Variants in NAA25 observed in about 807,000 individuals in gnomAD.
NAA25 encodes the protein N-alpha-acetyltransferase 25, NatB auxiliary subunit.
A neutral mutation model predicts 132.5 loss-of-function variants in NAA25; 30 were observed. That is an observed-to-expected ratio of 0.23 (90% CI 0.17 to 0.31). The LOEUF (loss-of-function observed/expected upper bound fraction) is 0.31. Among genes scored for constraint, NAA25 ranks in the 10% least tolerant of loss-of-function variants. The pLI is 1.00. For missense variants in NAA25, 771 were observed against 1,150.4 expected, an observed-to-expected ratio of 0.67 and a Z score of 4.77; for synonymous variants, 359 against 401.9, an observed-to-expected ratio of 0.89 and a Z score of 1.28.
intron 11 of NAA25, among the ~76,000 whole-genome samples, chr12:112,068,296 G>A (rs982959009): frequency 6.6e-6 from 1 of 152,116 alleles, no homozygotes; most frequent in African/African-American, 2.4e-5. Context: ...GGTGGCTATT[G>A]TTATTAAAGG....
chr12:112,101,618 G>A (rs2079297299), intron 1 of NAA25, among the ~76,000 whole-genome samples: 1 of 152,032 alleles, frequency 6.6e-6, no homozygotes, highest in Non-Finnish European at 1.5e-5. Flanking sequence ...TTAGCCAGGT[G>A]TGGTGGCAGG....
chr12:112,053,146 G>T (rs1444097386), intron 15 of NAA25, among the ~76,000 whole-genome samples: 1 of 152,184 alleles, frequency 6.6e-6, no homozygotes, highest in African/African-American at 2.4e-5. Flanking sequence ...TTGGCAAAGA[G>T]CACAATGGAC....
intron 4 of NAA25, among the ~76,000 whole-genome samples, chr12:112,086,355 G>A (rs1413065595): frequency 6.6e-6 from 1 of 151,314 alleles, no homozygotes; most frequent in East Asian, 2.0e-4. Flanking sequence ...AATTAGCCAG[G>A]TATGGTGGTG....
chr12:112,060,326 G>A lies in NAA25; in HGVS notation c.1391C>T (p.Ser464Phe). ...GACAGCAAGGAGACAGTAATAGTCA[G>A]AAAATTGCAATTCTGTTTTCAAACA... is the stretch of plus-strand genomic sequence containing the variant. ...KTCLKTELQF[S>F]DYYCLLAVHA... The change falls in exon 13 of 24, where the codon TCT (serine) becomes TTT (phenylalanine). Residue 464 changes from serine (S) to phenylalanine (F), a missense_variant. By Grantham distance (155) the Ser-to-Phe change is radical (BLOSUM62 -2). Transcript: ENST00000261745. 6.2e-7 allele frequency: 1 copy of A among 1,613,410 alleles called. No homozygotes were observed. The highest frequency in any genetic ancestry group is 1.3e-5 in the African/African-American group (1 of 75,002).
intron 11 of NAA25, among the ~76,000 whole-genome samples, chr12:112,061,673 T>C (rs1240262840): frequency 1.3e-5 from 2 of 152,142 alleles, no homozygotes; most frequent in Non-Finnish European, 2.9e-5. Flanking sequence ...TTTATACTTC[T>C]GAAAATGTTC....
At chr12:112,061,042 A>G in intron 12 of NAA25, 139 bp downstream of exon 12, 2 of 647,658 alleles carry the variant, frequency 3.1e-6, no homozygotes, top group East Asian at 2.7e-5. Context: ...TTTACATCAT[A>G]TTACTTAGAT....
chr12:112,078,489 G>A (rs2078924704), intron 6 of NAA25, 145 bp downstream of exon 6: 3 of 751,438 alleles, frequency 4.0e-6, no homozygotes, highest in African/African-American at 1.8e-5. Context: ...TTAGACCTAC[G>A]CTGAGGGCTT....
chr12:112,043,777 G>A lies in NAA25; in HGVS notation c.2098C>T (p.Leu700Phe), dbSNP rs1217618406. Residue 700 changes from leucine (L) to phenylalanine (F), a missense_variant, in exon 18 of 24, where the codon CTT (leucine) becomes TTT (phenylalanine). Physicochemically the swap from Leu to Phe is conservative, Grantham distance 22. Transcript: ENST00000261745. ...RSLTLRLISG[L>F]PSLNHPVEPK... The stretch of plus-strand genomic sequence containing the variant: ...TCCACAGGGTGGTTGAGACTTGGAA[G>A]TCCACTTATCAGCCTCAATGTTAAG... The A allele has an allele frequency of 6.2e-7, 1 of 1,614,130 alleles. No homozygotes were observed. Among genetic ancestry groups the A allele is most frequent in the Admixed American group, 1.7e-5 (1 of 60,012 alleles).
chr12:112,036,758 G>C (rs2078228344), intron 22 of NAA25, among the ~76,000 whole-genome samples: 1 of 151,336 alleles, frequency 6.6e-6, no homozygotes, highest in South Asian at 2.1e-4. Context: ...CGAGGGAGGA[G>C]AATCGCTTGA....
chr12:112,053,079 A>G (rs2078490505), intron 15 of NAA25, among the ~76,000 whole-genome samples: 1 of 152,132 alleles, frequency 6.6e-6, no homozygotes, highest in Admixed American at 6.6e-5. Flanking sequence ...CATATTATTC[A>G]CCTAGGTTTC....
chr12:112,086,244 C>A (rs1383694595), intron 4 of NAA25, among the ~76,000 whole-genome samples: 1 of 151,158 alleles, frequency 6.6e-6, no homozygotes, highest in African/African-American at 2.4e-5. Flanking sequence ...ATCTGTAATC[C>A]CAGCATTTTG....
chr12:112,057,993 A>G (rs1212469817), intron 13 of NAA25, among the ~76,000 whole-genome samples: 1 of 152,150 alleles, frequency 6.6e-6, no homozygotes, highest in Non-Finnish European at 1.5e-5. Context: ...AAAAACCCAC[A>G]AAAGTTAGCT....
At chr12:112,070,036 G>C (rs950811884) in intron 10 of NAA25, among the ~76,000 whole-genome samples, 6 of 152,146 alleles carry the variant, frequency 3.9e-5, no homozygotes, top group African/African-American at 1.4e-4. Context: ...GCTGAGGCAG[G>C]AGAATCACTT....
intron 11 of NAA25, among the ~76,000 whole-genome samples, chr12:112,063,549 T>C: frequency 6.6e-6 from 1 of 152,164 alleles, no homozygotes; most frequent in Non-Finnish European, 1.5e-5. Flanking sequence ...CCGACAAATA[T>C]GTAAGTTCCT....
intron 10 of NAA25, among the ~76,000 whole-genome samples, chr12:112,070,036 G>A (rs950811884): frequency 6.6e-6 from 1 of 152,146 alleles, no homozygotes; most frequent in Non-Finnish European, 1.5e-5. Context: ...GCTGAGGCAG[G>A]AGAATCACTT....
intron 1 of NAA25, among the ~76,000 whole-genome samples, chr12:112,094,592 A>G (rs2079185603): frequency 6.6e-6 from 1 of 152,190 alleles, no homozygotes; most frequent in South Asian, 2.1e-4. Context: ...AGTTTTACCC[A>G]TAAGATTGGG....
At chr12:112,067,620 G>A (rs951340294) in intron 11 of NAA25, among the ~76,000 whole-genome samples, 9 of 152,134 alleles carry the variant, frequency 5.9e-5, no homozygotes, top group African/African-American at 2.2e-4. Flanking sequence ...TGAGGCACGA[G>A]GATCACTGGA....
At position 112,087,810 on chromosome 12, in the gene NAA25, A is replaced by T. The variant is rs754829437; in HGVS notation, c.284-9T>A. On this transcript the variant is annotated splice_polypyrimidine_tract_variant and intron_variant, in intron 3 of 23. Transcript: ENST00000261745. The stretch of plus-strand genomic sequence containing the variant: ...TTTTGTAACTAACTCCGCTAAGATA[A>T]AGAGAAATAAGATTTAAGTTATACT... The T allele has an allele frequency of 6.5e-7, 1 of 1,527,118 alleles. No individual in the cohort carries two copies. Among genetic ancestry groups the T allele is most frequent in the Admixed American group, 1.7e-5 (1 of 59,484 alleles). The allele number at this position is 1,527,118 out of a possible 1,614,324, so 94.6% of individuals were successfully genotyped here.
At chr12:112,079,118 G>C (rs2078934803) in intron 5 of NAA25, among the ~76,000 whole-genome samples, 1 of 152,136 alleles carries the variant, frequency 6.6e-6, no homozygotes, top group Non-Finnish European at 1.5e-5. Context: ...CATACTAGAA[G>C]AGAAATGCCA....
Sources: allele counts gnomAD v4.1 joint callset (sites outside exome capture counted in the v4.1 genomes callset), GRCh38; gene constraint gnomAD v4.1.1; transcripts MANE v1.5; gene names NCBI Gene and HGNC (gene_info 2026-07-23, HGNC 2026-07-21).